RBFOX1: variants seen among roughly 807,000 people sequenced by gnomAD.
The protein encoded by RBFOX1 is RNA binding protein fox-1 homolog 1.
In RBFOX1, 8 loss-of-function variants were observed where a neutral mutation model predicts 57.7. That is an observed-to-expected ratio of 0.14 (90% CI 0.08 to 0.25). RBFOX1 has a LOEUF of 0.25. Among genes scored for constraint, RBFOX1 ranks in the 10% least tolerant of loss-of-function variants. RBFOX1 has a pLI of 1.00. For missense variants in RBFOX1, 611 were observed against 548.5 expected, an observed-to-expected ratio of 1.11 and a Z score of -1.14; for synonymous variants, 326 against 222.4, an observed-to-expected ratio of 1.47 and a Z score of -4.15.
At chr16:6,727,636 C>T (rs1163632960) in intron 3 of RBFOX1, among the ~76,000 whole-genome samples, 3 of 152,044 alleles carry the variant, frequency 2.0e-5, no homozygotes, top group Non-Finnish European at 4.4e-5. Context: ...GGGATAGGGT[C>T]TTCTACCCCC....
intron 13 of RBFOX1, among the ~76,000 whole-genome samples, chr16:7,672,068 C>G: frequency 6.6e-6 from 1 of 152,150 alleles, no homozygotes; most frequent in East Asian, 1.9e-4. Flanking sequence ...ATCTCATGTG[C>G]AACATTAAGG....
chr16:6,941,503 C>G (rs1028401445), intron 3 of RBFOX1, among the ~76,000 whole-genome samples: 1 of 151,734 alleles, frequency 6.6e-6, no homozygotes, highest in African/African-American at 2.4e-5. Flanking sequence ...TTCTTTCTTC[C>G]CAGTAAGGGG....
At chr16:6,223,402 G>T (rs1468621907) in intron 1 of RBFOX1, among the ~76,000 whole-genome samples, 3 of 147,596 alleles carry the variant, frequency 2.0e-5, no homozygotes, top group Non-Finnish European at 4.6e-5. Context: ...TCTAACTGGT[G>T]TGAGATGGTA....
chr16:5,544,461 G>A (rs1160586582), intron 2 of RBFOX1, among the ~76,000 whole-genome samples: 2 of 151,964 alleles, frequency 1.3e-5, no homozygotes, highest in Non-Finnish European at 2.9e-5. Flanking sequence ...GAAAAATAAA[G>A]TTCTCCAATT....
chr16:6,373,927 A>G (rs964623932), intron 2 of RBFOX1, among the ~76,000 whole-genome samples: 7 of 152,178 alleles, frequency 4.6e-5, no homozygotes, highest in African/African-American at 7.2e-5. Context: ...TTCAGTATCT[A>G]TTGACTGTGT....
At chr16:6,849,963 T>C (rs1263728787) in intron 3 of RBFOX1, among the ~76,000 whole-genome samples, 2 of 152,226 alleles carry the variant, frequency 1.3e-5, no homozygotes, top group Non-Finnish European at 2.9e-5. Flanking sequence ...ACTTTGTCTT[T>C]GAATCTTGCA....
intron 9 of RBFOX1, among the ~76,000 whole-genome samples, chr16:7,606,933 GATT>G (rs2095306385): frequency 6.6e-6 from 1 of 152,034 alleles, no homozygotes; most frequent in Non-Finnish European, 1.5e-5. Context: ...GGGTGTGATG[GATT>G]ATCTAGCAGT....
chr16:6,233,510 G>T (rs1161200454), intron 1 of RBFOX1, among the ~76,000 whole-genome samples: 1 of 152,144 alleles, frequency 6.6e-6, no homozygotes, highest in African/African-American at 2.4e-5. Flanking sequence ...TCTCAGGAAG[G>T]AGACAAAAAT....
chr16:6,371,609 G>C (rs112039916), intron 2 of RBFOX1, among the ~76,000 whole-genome samples: 245 of 152,116 alleles, frequency 1.6e-3, no homozygotes, highest in African/African-American at 5.4e-3. Context: ...TCTTGCCCCA[G>C]TCCTAGAGCC....
intron 1 of RBFOX1, chr16:5,270,773 GC>G: frequency 2.2e-6 from 1 of 463,294 alleles, no homozygotes; most frequent in Non-Finnish European, 4.1e-6. Context: ...GAAAAGGCTT[GC>G]CAATTTATCC....
At chr16:5,669,700 G>A (rs2049959707) in intron 3 of RBFOX1, among the ~76,000 whole-genome samples, 1 of 152,172 alleles carries the variant, frequency 6.6e-6, no homozygotes, top group South Asian at 2.1e-4. Context: ...TTACAGGCGT[G>A]AGCCACCACG....
chr16:5,261,754 G>C (rs2062739086), intron 1 of RBFOX1, among the ~76,000 whole-genome samples: 2 of 152,186 alleles, frequency 1.3e-5, no homozygotes, highest in South Asian at 4.2e-4. Context: ...GTTTCACCGT[G>C]TTAGCCAGGA....
At chr16:6,672,309 C>T (rs114165370) in intron 3 of RBFOX1, among the ~76,000 whole-genome samples, 2,299 of 150,062 alleles carry the variant, frequency 0.015, 36 homozygotes, top group African/African-American at 0.049. Context: ...TATAAAATAA[C>T]CATACAAATA....
intron 2 of RBFOX1, among the ~76,000 whole-genome samples, chr16:6,635,408 G>A (rs990585493): frequency 3.9e-5 from 6 of 152,054 alleles, no homozygotes; most frequent in Non-Finnish European, 5.9e-5. Flanking sequence ...ATCCATGCAG[G>A]ACCAAAGACT....
At chr16:5,405,898 C>A (rs898019782) in intron 1 of RBFOX1, among the ~76,000 whole-genome samples, 2 of 152,004 alleles carry the variant, frequency 1.3e-5, no homozygotes, top group African/African-American at 4.8e-5. Context: ...AGTCATCTCC[C>A]CACAGGCTGA....
intron 2 of RBFOX1, among the ~76,000 whole-genome samples, chr16:6,622,313 A>G (rs567634853): frequency 1.4e-4 from 22 of 152,290 alleles, no homozygotes; most frequent in African/African-American, 5.1e-4. Context: ...CCCTATACAG[A>G]TGTATAATTT....
chr16:6,904,372 G>A (rs1451564606), intron 3 of RBFOX1, among the ~76,000 whole-genome samples: 1 of 151,898 alleles, frequency 6.6e-6, no homozygotes, highest in East Asian at 1.9e-4. Flanking sequence ...AGGCCCAGGT[G>A]GGAGGATAAG....
At chr16:7,116,091 C>G (rs73542919) in intron 4 of RBFOX1, among the ~76,000 whole-genome samples, 1,566 of 152,218 alleles carry the variant, frequency 0.01, 26 homozygotes, top group African/African-American at 0.035. Context: ...CGATCAGTAC[C>G]CATTTTACAG....
chr16:6,803,558 A>G (rs1306748723), intron 3 of RBFOX1, among the ~76,000 whole-genome samples: 1 of 152,214 alleles, frequency 6.6e-6, no homozygotes, highest in East Asian at 1.9e-4. Flanking sequence ...AACAAAAATC[A>G]GCCTTCTTAA....
Sources: allele counts gnomAD v4.1 joint callset (sites outside exome capture counted in the v4.1 genomes callset), GRCh38; gene constraint gnomAD v4.1.1; transcripts MANE v1.5; gene names NCBI Gene and HGNC (gene_info 2026-07-23, HGNC 2026-07-21).